LRRC4C: variants seen among roughly 807,000 people sequenced by gnomAD.
The protein encoded by LRRC4C is leucine-rich repeat-containing protein 4C.
A neutral mutation model predicts 33.6 loss-of-function variants in LRRC4C; 5 were observed. That is an observed-to-expected ratio of 0.15 (90% CI 0.08 to 0.31). LRRC4C has a LOEUF of 0.31. Among genes scored for constraint, LRRC4C ranks in the 10% least tolerant of loss-of-function variants. The pLI, the probability that LRRC4C is intolerant of heterozygous loss-of-function variation, is 1.00. For missense variants in LRRC4C, 560 were observed against 796.7 expected (o/e 0.70, Z 3.58); for synonymous variants, 329 against 302.0 (o/e 1.09, Z -0.93).
intron 3 of LRRC4C, among the ~76,000 whole-genome samples, chr11:40,423,700 A>G (rs1325206885): frequency 6.6e-6 from 1 of 151,978 alleles, no homozygotes; most frequent in Non-Finnish European, 1.5e-5. Flanking sequence ...ATAGGTTTTC[A>G]CTGTTTCCCT....
chr11:40,622,779 G>T lies in LRRC4C; in HGVS notation c.-270+25363C>A, dbSNP rs527291940. Among the ~76,000 whole-genome samples the T allele has an allele frequency of 4.6e-5, 7 of 151,820 alleles. No homozygotes were observed. The South Asian group carries it at 1.5e-3, about 32-fold the overall frequency. On this transcript the variant is annotated intron_variant, in intron 3 of 6. Coordinates refer to ENST00000528697, the MANE Select transcript of LRRC4C (RefSeq NM_001258419.2). The stretch of plus-strand genomic sequence containing the variant: ...GAATGTTTCCCTATTTGTAAGATGG[G>T]ATAAACACACTCTCTATATCATAGA...
intron 3 of LRRC4C, among the ~76,000 whole-genome samples, chr11:40,579,422 C>A (rs1180130928): frequency 6.6e-6 from 1 of 151,640 alleles, no homozygotes; most frequent in African/African-American, 2.4e-5. Context: ...ACTTAAATAA[C>A]AGTTTATGGT....
At chr11:40,936,657 C>G (rs1343759436) in intron 1 of LRRC4C, among the ~76,000 whole-genome samples, 1 of 152,012 alleles carries the variant, frequency 6.6e-6, no homozygotes, top group Non-Finnish European at 1.5e-5. Flanking sequence ...CTTTCAAGCA[C>G]TTACCATACA....
At chr11:40,385,079 A>G (rs1031423775) in intron 3 of LRRC4C, among the ~76,000 whole-genome samples, 1 of 152,220 alleles carries the variant, frequency 6.6e-6, no homozygotes, top group African/African-American at 2.4e-5. Context: ...ACTTCAGTAT[A>G]AACACTTTTT....
At chr11:40,776,390 T>G (rs921356642) in intron 2 of LRRC4C, among the ~76,000 whole-genome samples, 1 of 152,136 alleles carries the variant, frequency 6.6e-6, no homozygotes. Flanking sequence ...AGGTTTCTTA[T>G]GATTGATTCC....
intron 2 of LRRC4C, among the ~76,000 whole-genome samples, chr11:40,720,848 T>A (rs1277260463): frequency 1.3e-5 from 2 of 152,176 alleles, no homozygotes; most frequent in Non-Finnish European, 2.9e-5. Context: ...AAGAGTATAA[T>A]CACGTTTTCA....
At chr11:40,185,887 C>A (rs1050369289) in intron 5 of LRRC4C, among the ~76,000 whole-genome samples, 10 of 152,202 alleles carry the variant, frequency 6.6e-5, no homozygotes, top group South Asian at 2.1e-4. Flanking sequence ...TGTCCCTCCC[C>A]CTTCCCGTGG....
intron 2 of LRRC4C, among the ~76,000 whole-genome samples, chr11:40,701,854 G>A (rs928351543): frequency 1.3e-5 from 2 of 151,718 alleles, no homozygotes; most frequent in African/African-American, 2.4e-5. Context: ...TAAGAAAAAT[G>A]TTTCTAGTTT....
intron 1 of LRRC4C, among the ~76,000 whole-genome samples, chr11:41,137,910 G>A (rs990928859): frequency 1.4e-4 from 22 of 152,152 alleles, no homozygotes; most frequent in Non-Finnish European, 3.2e-4. Flanking sequence ...GACCCAGGTG[G>A]GAGGTAAGAA....
intron 1 of LRRC4C, among the ~76,000 whole-genome samples, chr11:41,013,271 C>A (rs11036191): frequency 1.3e-5 from 2 of 151,976 alleles, no homozygotes; most frequent in African/African-American, 4.8e-5. Context: ...GTATCCACTG[C>A]TTTTAACCTG....
chr11:40,737,467 A>T (rs1947932589), intron 2 of LRRC4C, among the ~76,000 whole-genome samples: 1 of 151,964 alleles, frequency 6.6e-6, no homozygotes, highest in Admixed American at 6.6e-5. Flanking sequence ...TATTTAGAAA[A>T]CTCCATCGTC....
chr11:40,931,410 A>C (rs1429899620), intron 2 of LRRC4C, among the ~76,000 whole-genome samples: 1 of 152,122 alleles, frequency 6.6e-6, no homozygotes, highest in Non-Finnish European at 1.5e-5. Context: ...GTGTGCATGC[A>C]TGTGTTCTTA....
At chr11:40,773,832 G>T (rs914829111) in intron 2 of LRRC4C, among the ~76,000 whole-genome samples, 5 of 151,740 alleles carry the variant, frequency 3.3e-5, no homozygotes, top group Non-Finnish European at 7.4e-5. Flanking sequence ...TTAATTAATT[G>T]AAAAAATAAT....
chr11:40,487,682 TAA>T (rs1038211314), intron 3 of LRRC4C, among the ~76,000 whole-genome samples: 20 of 152,214 alleles, frequency 1.3e-4, no homozygotes, highest in South Asian at 4.1e-4. Flanking sequence ...AGAGCTCATT[TAA>T]AAGTTATAAA....
rs1308804164 is a variant in LRRC4C, at chr11:40,314,197, AAAAC to A, written c.-176+5427_-176+5430del. 2.0e-5 allele frequency among the ~76,000 whole-genome samples: 3 copies of A among 152,010 alleles called. No homozygotes were observed. The East Asian group carries it at 5.8e-4, about 29-fold the overall frequency. ...AAATAAAAAACAGAAGACAAAAACA[AAAAC>A]AAAGCAAACAATCTGATTTTTTAAA... On this transcript the variant is annotated intron_variant, in intron 4 of 6. Transcript: ENST00000528697.
intron 1 of LRRC4C, among the ~76,000 whole-genome samples, chr11:41,192,542 T>C (rs1946004042): frequency 6.6e-6 from 1 of 152,072 alleles, no homozygotes; most frequent in Non-Finnish European, 1.5e-5. Context: ...CACCTGGTTA[T>C]TACCAAATAA....
At chr11:41,314,494 A>G (rs1950729749) in intron 1 of LRRC4C, among the ~76,000 whole-genome samples, 1 of 152,190 alleles carries the variant, frequency 6.6e-6, no homozygotes, top group African/African-American at 2.4e-5. Context: ...ACTGTTATAA[A>G]AAGACTCAAG....
chr11:40,474,271 A>C (rs926248831), intron 3 of LRRC4C, among the ~76,000 whole-genome samples: 3 of 152,168 alleles, frequency 2.0e-5, no homozygotes, highest in Non-Finnish European at 4.4e-5. Flanking sequence ...CCTCAGAAAT[A>C]ATGCCACACA....
At chr11:40,732,210 A>C (rs934578831) in intron 2 of LRRC4C, among the ~76,000 whole-genome samples, 3 of 152,164 alleles carry the variant, frequency 2.0e-5, no homozygotes, top group African/African-American at 7.2e-5. Context: ...CATTATCAGA[A>C]AAAAAAGTAT....
Sources: gnomAD v4.1 joint callset for allele counts (sites outside exome capture counted in the v4.1 genomes callset) on GRCh38, gnomAD v4.1.1 for gene constraint, MANE v1.5 for transcripts, NCBI Gene and HGNC (gene_info 2026-07-23, HGNC 2026-07-21) for gene names.